TXNRD3: variants seen among roughly 807,000 people sequenced by gnomAD.
TXNRD3 encodes the protein TXNRD3 neighbor gene protein.
In TXNRD3, 68 loss-of-function variants were observed where a neutral mutation model predicts 78.2. The ratio of observed to expected loss-of-function variants is 0.87; its 90% confidence interval spans 0.72 to 1.06. The LOEUF is 1.06. Among genes scored for constraint, TXNRD3 ranks in the 50% least tolerant of loss-of-function variants. TXNRD3 has a pLI of 0.00. For missense variants in TXNRD3, 751 were observed against 809.5 expected (o/e 0.93, Z 0.88); for synonymous variants, 296 against 300.1 (o/e 0.99, Z 0.14).
chr3:126,641,972 T>G, intron 6 of TXNRD3, 60 bp downstream of exon 6: 1 of 1,447,072 alleles, frequency 6.9e-7, no homozygotes, highest in Non-Finnish European at 9.1e-7. Flanking sequence ...TACCAAGTCT[T>G]TATCTAAAAA....
chr3:126,620,156 G>A (rs1242253344), intron 12 of TXNRD3, among the ~76,000 whole-genome samples: 3 of 152,118 alleles, frequency 2.0e-5, no homozygotes, highest in African/African-American at 4.8e-5. Flanking sequence ...TTATCTGGGC[G>A]TGGTGGCAGG....
intron 15 of TXNRD3, 73 bp from the exon 16 acceptor site, chr3:126,608,046 A>G (rs1576276985): frequency 8.9e-7 from 1 of 1,127,394 alleles, no homozygotes; most frequent in African/African-American, 1.6e-5. Flanking sequence ...TCTGAATATT[A>G]TATTTATGCT....
chr3:126,644,385 A>C lies in TXNRD3; in HGVS notation c.431T>G (p.Leu144Trp). 1 of 1,536,000 alleles carries C rather than the reference A, an allele frequency of 6.5e-7. No homozygotes were observed. Among genetic ancestry groups the C allele is most frequent in the Non-Finnish European group, 8.7e-7 (1 of 1,146,752 alleles). Residue 144 changes from leucine to tryptophan, a missense_variant, in exon 4 of 16, where the codon TTG becomes TGG. Transcript: ENST00000524230. ...ATCTTCCTGAAGGAGCTTCTGTAAC[A>C]AACCACTCTGATATGCCTATGGTTT... is the stretch of plus-strand genomic sequence containing the variant.
chr3:126,617,729 C>A (rs529273868), intron 12 of TXNRD3, among the ~76,000 whole-genome samples: 2 of 152,304 alleles, frequency 1.3e-5, no homozygotes, highest in Admixed American at 1.3e-4. Context: ...CTAGCCAGAG[C>A]AGTCAGGATG....
intron 9 of TXNRD3, 149 bp from the exon 10 acceptor site, chr3:126,629,620 G>T: frequency 1.8e-6 from 1 of 563,492 alleles, no homozygotes; most frequent in East Asian, 3.0e-5. Context: ...GGATAAGGCA[G>T]AAATAGAGAA....
At chr3:126,624,758 G>T in intron 10 of TXNRD3, 1 of 158,284 alleles carries the variant, frequency 6.3e-6, no homozygotes, top group Non-Finnish European at 1.4e-5. Flanking sequence ...TTCAACAAAT[G>T]GTACTGGATA....
chr3:126,611,171 A>T, intron 13 of TXNRD3, 39 bp from the exon 14 acceptor site: 1 of 1,280,226 alleles, frequency 7.8e-7, no homozygotes, highest in Non-Finnish European at 1.1e-6. Context: ...GAATTAATGT[A>T]TATGGAAACC....
chr3:126,636,621 C>G (rs1938868114), intron 6 of TXNRD3, among the ~76,000 whole-genome samples: 3 of 152,188 alleles, frequency 2.0e-5, no homozygotes, highest in Admixed American at 1.3e-4. Context: ...CCCTGCACCC[C>G]ACGGCGAGCC....
intron 13 of TXNRD3, among the ~76,000 whole-genome samples, chr3:126,614,562 A>G (rs1254260579): frequency 1.3e-5 from 2 of 152,222 alleles, no homozygotes; most frequent in Admixed American, 1.3e-4. Flanking sequence ...TGATAAAATA[A>G]TGTTCTCTAA....
In TXNRD3 at chr3:126,621,842, G is replaced by A. The variant is rs1195452191; in HGVS notation, c.1424C>T (p.Ala475Val). ...CTTATCCTCCAAAATATCACCAACA[G>A]CATAGACATATGGCACATTGGTCTG... The change falls in exon 12 of 16, where the codon GCT becomes GTT. Residue 475 changes from alanine to valine, a missense_variant. Transcript: ENST00000524230. 6 of 1,535,136 alleles carry A rather than the reference G, an allele frequency of 3.9e-6. No homozygotes were observed. The highest frequency in any genetic ancestry group is 5.2e-6 in the Non-Finnish European group (6 of 1,146,674).
intron 1 of TXNRD3, among the ~76,000 whole-genome samples, chr3:126,651,411 G>C (rs1933387482): frequency 6.6e-6 from 1 of 152,164 alleles, no homozygotes; most frequent in African/African-American, 2.4e-5. Context: ...GTCCAAATAT[G>C]TCATGGGACT....
intron 10 of TXNRD3, chr3:126,625,026 T>C (rs1473106720): frequency 5.9e-6 from 1 of 169,216 alleles, no homozygotes. Context: ...TGTGTGCTCA[T>C]TATCTAATGG....
intron 12 of TXNRD3, among the ~76,000 whole-genome samples, chr3:126,619,796 T>C (rs1008803032): frequency 1.3e-5 from 2 of 152,226 alleles, no homozygotes; most frequent in African/African-American, 4.8e-5. Flanking sequence ...TTACACATTG[T>C]ATACGTGTAT....
chr3:126,621,698 T>C (rs1358614393), intron 12 of TXNRD3, 44 bp downstream of exon 12: 4 of 1,400,076 alleles, frequency 2.9e-6, no homozygotes, highest in Non-Finnish European at 2.8e-6. Context: ...TTAAAAATCA[T>C]GATCTTGATC....
intron 7 of TXNRD3, among the ~76,000 whole-genome samples, chr3:126,633,472 T>C (rs1938773711): frequency 6.6e-6 from 1 of 152,138 alleles, no homozygotes; most frequent in Non-Finnish European, 1.5e-5. Flanking sequence ...TAATAATATA[T>C]AAATATTACA....
chr3:126,648,816 A>G (rs1196921970), intron 1 of TXNRD3, among the ~76,000 whole-genome samples: 2 of 152,358 alleles, frequency 1.3e-5, no homozygotes, highest in African/African-American at 4.8e-5. Flanking sequence ...TCTCAAAGGC[A>G]CAAGCAACAA....
intron 6 of TXNRD3, among the ~76,000 whole-genome samples, chr3:126,636,491 CTGTT>C (rs1256381066): frequency 6.6e-6 from 1 of 152,124 alleles, no homozygotes; most frequent in African/African-American, 2.4e-5. Flanking sequence ...GAAGAAGTAT[CTGTT>C]TGTTTTCTAA....
At chr3:126,613,202 G>C (rs1938236592) in intron 13 of TXNRD3, among the ~76,000 whole-genome samples, 1 of 152,002 alleles carries the variant, frequency 6.6e-6, no homozygotes, top group Non-Finnish European at 1.5e-5. Context: ...TTAATCATTT[G>C]GGTATTTACC....
chr3:126,640,105 T>TCCTC (rs1393038061), intron 6 of TXNRD3, among the ~76,000 whole-genome samples: 4 of 6,224 alleles, frequency 6.4e-4, no homozygotes, highest in Non-Finnish European at 3.1e-3. Flanking sequence ...TTTTTTTTTT[T>TCCTC]TTTTTTTTTT....
Sources: gnomAD v4.1 joint callset for allele counts (sites outside exome capture counted in the v4.1 genomes callset) on GRCh38, gnomAD v4.1.1 for gene constraint, MANE v1.5 for transcripts, NCBI Gene and HGNC (gene_info 2026-07-23, HGNC 2026-07-21) for gene names.